The following YME1L1 variants were observed in gnomAD, a reference collection of about 807,000 sequenced individuals.
YME1L1 encodes ATP-dependent zinc metalloprotease YME1L1.
YME1L1 carries 39 observed loss-of-function variants against 90.4 expected under a neutral mutation model. That is an observed-to-expected ratio of 0.43 (90% confidence interval 0.33 to 0.56). YME1L1 has a LOEUF of 0.56. YME1L1 is among the 20% of genes least tolerant of loss of function. The pLI is 0.03. For missense variants in YME1L1, 617 were observed against 868.4 expected (o/e 0.71, Z 3.64); for synonymous variants, 284 against 287.3 (o/e 0.99, Z 0.12).
At chr10:27,125,710 G>A (rs1352620790) in intron 9 of YME1L1, among the ~76,000 whole-genome samples, 1 of 147,110 alleles carries the variant, frequency 6.8e-6, no homozygotes, top group Non-Finnish European at 1.5e-5. Flanking sequence ...GAACAATCTC[G>A]GCTCACTGCA....
chr10:27,139,247 T>A (rs1293299855), intron 4 of YME1L1, among the ~76,000 whole-genome samples: 1 of 152,094 alleles, frequency 6.6e-6, no homozygotes, highest in Admixed American at 6.6e-5. Flanking sequence ...CAAGCTGAAG[T>A]ACGGTGGCAT....
chr10:27,139,153 G>A (rs1463369801), intron 4 of YME1L1, among the ~76,000 whole-genome samples: 8 of 151,654 alleles, frequency 5.3e-5, no homozygotes, highest in South Asian at 2.1e-4. Flanking sequence ...TTCCTCTGTC[G>A]TGCTTGCGTG....
At chr10:27,134,740 G>T in intron 6 of YME1L1, 91 bp downstream of exon 6, 1 of 1,301,218 alleles carries the variant, frequency 7.7e-7, no homozygotes, top group Non-Finnish European at 1.1e-6. Context: ...TCAATAGATG[G>T]TCTTAGAAAA....
rs137952803 is a variant in YME1L1, at chr10:27,112,093, A to G, written c.2035T>C (p.Leu679=). 2.0e-4 allele frequency: 324 copies of G among 1,613,810 alleles called. No homozygotes were observed. The highest frequency in any genetic ancestry group is 2.6e-4 in the Non-Finnish European group (312 of 1,179,962). ...TTATGCTCCTTTGCATGAGTTTTCA[A>G]GATATGTTTTGCTCGTTCATATGAG... ...RDSYERAKHI[L]KTHAKEHKNL... The change falls in exon 19 of 19, where the codon TTG becomes CTG. Residue 679 remains leucine, a synonymous_variant. Transcript: ENST00000376016.
At chr10:27,112,175 A>T in intron 18 of YME1L1, 55 bp from the exon 19 acceptor site, 2 of 1,531,020 alleles carry the variant, frequency 1.3e-6, no homozygotes, top group Non-Finnish European at 1.8e-6. Flanking sequence ...TGCGAAAACC[A>T]GTCAATGGGA....
intron 1 of YME1L1, among the ~76,000 whole-genome samples, chr10:27,151,459 T>C (rs1564471308): frequency 1.3e-5 from 2 of 152,238 alleles, no homozygotes; most frequent in African/African-American, 4.8e-5. Context: ...GTACAGACCA[T>C]TTAATAGATG....
chr10:27,131,665 A>G (rs952033731), intron 8 of YME1L1, among the ~76,000 whole-genome samples, 194 bp downstream of exon 8: 1 of 152,186 alleles, frequency 6.6e-6, no homozygotes, highest in East Asian at 1.9e-4. Context: ...CTCCTTCATA[A>G]ATTATACTAT....
intron 18 of YME1L1, among the ~76,000 whole-genome samples, chr10:27,113,217 CTCAAAAAAAAAAAAAA>C (rs2056775685): frequency 1.6e-5 from 1 of 61,994 alleles, no homozygotes. Flanking sequence ...AAGATGCTGT[CTCAAAAAAAAAAAAAA>C]AAAAAAAAAA....
chr10:27,122,761 A>G, intron 11 of YME1L1, 80 bp downstream of exon 11: 1 of 1,556,798 alleles, frequency 6.4e-7, no homozygotes, highest in Non-Finnish European at 8.7e-7. Flanking sequence ...TTATGGAAAT[A>G]ATTTGCATAA....
At chr10:27,136,178 G>C in intron 5 of YME1L1, 98 bp downstream of exon 5, 7 of 960,478 alleles carry the variant, frequency 7.3e-6, no homozygotes, top group Non-Finnish European at 1.1e-5. Flanking sequence ...AAAGAAGGAA[G>C]AATATCTATC....
At chr10:27,127,727 G>A (rs1223820434) in intron 8 of YME1L1, among the ~76,000 whole-genome samples, 6 of 152,150 alleles carry the variant, frequency 3.9e-5, no homozygotes, top group African/African-American at 7.2e-5. Flanking sequence ...ACCAGAAGGA[G>A]GCATCAAGGA....
chr10:27,145,628 TATC>T, intron 2 of YME1L1, 38 bp from the exon 3 acceptor site: 1 of 1,543,966 alleles, frequency 6.5e-7, no homozygotes, highest in African/African-American at 1.4e-5. Flanking sequence ...GCATTAATAT[TATC>T]AAGATATTTA....
intron 9 of YME1L1, among the ~76,000 whole-genome samples, chr10:27,125,544 C>A (rs1032826887): frequency 6.7e-6 from 1 of 149,972 alleles, no homozygotes; most frequent in Middle Eastern, 3.3e-3. Flanking sequence ...GGGTAGGGAT[C>A]AGGGCAACAC....
At chr10:27,154,111 G>C (rs1588625967) in intron 1 of YME1L1, 67 bp downstream of exon 1, 1 of 1,545,488 alleles carries the variant, frequency 6.5e-7, no homozygotes, top group Non-Finnish European at 8.8e-7. Context: ...TCGCTTCCAC[G>C]AGCGCAATTT....
rs764359006 is a variant in YME1L1 at position 27,123,534 on chromosome 10, C to T, written c.1102+13G>A. The T allele has an allele frequency of 1.2e-6, 2 of 1,613,178 alleles. No individual in the cohort carries two copies. The highest frequency in any genetic ancestry group is 1.7e-6 in the Non-Finnish European group (2 of 1,179,576). ...AAAATTTAGCACTGCATCAAAGATA[C>T]ACCAAAACGTACTAAAAAGATTTCT... On this transcript the variant is annotated intron_variant, in intron 10 of 18. Transcript: ENST00000376016.
At chr10:27,127,419 C>G (rs2056931821) in intron 8 of YME1L1, among the ~76,000 whole-genome samples, 1 of 152,010 alleles carries the variant, frequency 6.6e-6, no homozygotes, top group Non-Finnish European at 1.5e-5. Context: ...CATATGTTCA[C>G]CAAGAGACTT....
intron 4 of YME1L1, among the ~76,000 whole-genome samples, chr10:27,138,780 C>T (rs1417241466): frequency 1.3e-5 from 2 of 151,508 alleles, no homozygotes; most frequent in South Asian, 2.1e-4. Flanking sequence ...TGGCTCATTT[C>T]GTTTTCTTTT....
rs1419982369 is a variant in YME1L1, at chr10:27,136,299, T to C, written c.517A>G (p.Asn173Asp). The C allele has an allele frequency of 6.2e-7, 1 of 1,613,078 alleles. No individual in the cohort carries two copies. Among genetic ancestry groups the C allele is most frequent in the Non-Finnish European group, 8.5e-7 (1 of 1,179,738 alleles). ...STSERLAETQ[N>D]IAPSFVKGFL... ...ACCTTCACGAATGATGGCGCTATATTCTGTGTTTCAGCTAATCTCTCGGAG... is the reference window on the plus strand; with the variant it reads ...ACCTTCACGAATGATGGCGCTATATCCTGTGTTTCAGCTAATCTCTCGGAG... Residue 173 changes from asparagine to aspartate, a missense_variant, in exon 5 of 19, where the codon AAT (asparagine) becomes GAT (aspartate). Physicochemically the swap from Asn to Asp is conservative, Grantham distance 23 (BLOSUM62 1). Around this residue, in one of 4 missense-constraint regions of YME1L1, gnomAD observed 311 missense variants for 335.8 expected, o/e 0.93. Transcript: ENST00000376016.
chr10:27,114,728 A>C, intron 17 of YME1L1, 121 bp from the exon 18 acceptor site: 1 of 666,472 alleles, frequency 1.5e-6, no homozygotes. Flanking sequence ...AAGAAGTACA[A>C]TAGAAAACTG....
Sources: allele counts gnomAD v4.1 joint callset (sites outside exome capture counted in the v4.1 genomes callset), GRCh38; gene constraint gnomAD v4.1.1; regional missense constraint gnomAD v4.1.1; transcripts MANE v1.5; gene names NCBI Gene and HGNC (gene_info 2026-07-23, HGNC 2026-07-21).